Variants in CFAP44 observed in about 807,000 individuals in gnomAD.
CFAP44 encodes the protein cilia and flagella associated protein 44.
CFAP44 carries 134 observed loss-of-function variants against 216.2 expected under a neutral mutation model. That is an observed-to-expected ratio of 0.62 (90% confidence interval 0.54 to 0.72). The LOEUF (loss-of-function observed/expected upper bound fraction) is 0.72. CFAP44 is among the 30% of genes least tolerant of loss of function. CFAP44 has a pLI of 0.00. For missense variants in CFAP44, 2,035 were observed against 2,182.1 expected (o/e 0.93, Z 1.34); for synonymous variants, 700 against 727.6 (o/e 0.96, Z 0.61).
At chr3:113,312,170 C>T (rs1310366370) in intron 28 of CFAP44, among the ~76,000 whole-genome samples, 1 of 149,040 alleles carries the variant, frequency 6.7e-6, no homozygotes, top group Non-Finnish European at 1.5e-5. Flanking sequence ...CTCCTGGGTT[C>T]ACATCATTCT....
Position 113,291,699 on chromosome 3 carries a change from T to C in CFAP44, c.5423A>G (p.Glu1808Gly), listed in dbSNP as rs1440201422. The change falls in exon 35 of 35, where the codon GAG becomes GGG. Residue 1808 changes from glutamate (E) to glycine (G), a missense_variant. Glu to Gly is a moderately conservative substitution (Grantham distance 98). Transcript: ENST00000393845. Reference protein sequence around the residue: ...PREADVVAREEVTELIQLQAE... With the variant: ...PREADVVAREGVTELIQLQAE... ...CTGGAGTTGGATCAATTCAGTGACC[T>C]CCTCTCTTGCCACAACATCTGCTTC... 5 of 1,536,792 alleles carry C rather than the reference T, an allele frequency of 3.3e-6. No individual in the cohort carries two copies. In the Admixed American group the frequency reaches 9.8e-5, roughly 30 times the overall value.
chr3:113,292,197 A>AT (rs150156132), intron 34 of CFAP44, among the ~76,000 whole-genome samples: 7,681 of 152,136 alleles, frequency 0.05, 248 homozygotes, highest in African/African-American at 0.092. Context: ...CTAGGTTAGG[A>AT]TTTCCTGCTT....
chr3:113,432,835 A>G (rs919232418), intron 2 of CFAP44, among the ~76,000 whole-genome samples: 2 of 152,190 alleles, frequency 1.3e-5, no homozygotes, highest in African/African-American at 2.4e-5. Flanking sequence ...ATCTCCTGAT[A>G]AATATTCCCA....
intron 28 of CFAP44, among the ~76,000 whole-genome samples, chr3:113,318,023 A>G (rs1200319272): frequency 6.6e-6 from 1 of 152,082 alleles, no homozygotes; most frequent in African/African-American, 2.4e-5. Context: ...GCTGGGTATT[A>G]ATGCAGCTAC....
At chr3:113,367,900 C>G (rs899254412) in intron 18 of CFAP44, among the ~76,000 whole-genome samples, 3 of 152,198 alleles carry the variant, frequency 2.0e-5, no homozygotes, top group Admixed American at 1.3e-4. Context: ...CTTAAATGAC[C>G]TCCTGGAGCT....
At chr3:113,403,503 C>T (rs1934195348) in intron 9 of CFAP44, among the ~76,000 whole-genome samples, 1 of 152,182 alleles carries the variant, frequency 6.6e-6, no homozygotes, top group Non-Finnish European at 1.5e-5. Context: ...TGTTCAGCAC[C>T]TTTGTTCCTA....
chr3:113,417,500 A>G (rs747118096), intron 5 of CFAP44, among the ~76,000 whole-genome samples: 2 of 152,214 alleles, frequency 1.3e-5, no homozygotes, highest in African/African-American at 2.4e-5. Context: ...TGTTATAAGG[A>G]TAAGCTATTT....
chr3:113,308,856 TG>T (rs1950011924), intron 28 of CFAP44, among the ~76,000 whole-genome samples: 1 of 152,214 alleles, frequency 6.6e-6, no homozygotes, highest in Admixed American at 6.5e-5. Context: ...TCTGCACAAC[TG>T]GGCCCCACAA....
At position 113,361,720 on chromosome 3, in the gene CFAP44, G is replaced by A. The variant is rs144813319; in HGVS notation, c.2934+1425C>T. Among the ~76,000 whole-genome samples the A allele has an allele frequency of 8.4e-3, 1,272 of 151,680 alleles. 22 individuals carry two copies. Among genetic ancestry groups the A allele is most frequent in the African/African-American group, 0.029 (1,199 of 41,358 alleles). On this transcript the variant is annotated intron_variant, in intron 21 of 34. Coordinates refer to ENST00000393845, the MANE Select transcript of CFAP44 (RefSeq NM_001164496.2). ...TCACCATGTTAGCCAGGATGCTCTC[G>A]AACTCCTGACCTCATGATCCGCCCG... is the stretch of plus-strand genomic sequence containing the variant.
intron 6 of CFAP44, among the ~76,000 whole-genome samples, chr3:113,413,623 G>T (rs1335213132): frequency 6.6e-6 from 1 of 152,192 alleles, no homozygotes. Flanking sequence ...TTACTGAATA[G>T]GAAATCCTTT....
At chr3:113,347,713 A>C (rs1317925955) in intron 22 of CFAP44, among the ~76,000 whole-genome samples, 2 of 152,168 alleles carry the variant, frequency 1.3e-5, no homozygotes, top group East Asian at 3.8e-4. Flanking sequence ...GAGCTTCAGA[A>C]ATGATATCCT....
At chr3:113,399,234 T>A (rs1041914851) in intron 13 of CFAP44, among the ~76,000 whole-genome samples, 5 of 152,158 alleles carry the variant, frequency 3.3e-5, no homozygotes, top group Non-Finnish European at 5.9e-5. Context: ...TCTTCCCAGC[T>A]GAGTTCCCAG....
rs550774023 is a variant in CFAP44 at position 113,351,460 on chromosome 3, A to G, written c.3066-6748T>C. The stretch of plus-strand genomic sequence containing the variant: ...ATTATCCTACTACCACACACTCTCA[A>G]AGGATTTCTCAGTTTGCAAGAAATA... On this transcript the variant is annotated intron_variant, in intron 22 of 34. Transcript: ENST00000393845. 5.3e-5 allele frequency among the ~76,000 whole-genome samples: 8 copies of G among 152,260 alleles called. No homozygotes were observed. In the South Asian group the frequency reaches 1.7e-3, roughly 32 times the overall value.
intron 28 of CFAP44, among the ~76,000 whole-genome samples, chr3:113,312,054 T>C (rs1950044162): frequency 6.7e-6 from 1 of 149,858 alleles, no homozygotes; most frequent in African/African-American, 2.5e-5. Flanking sequence ...CAGTTTTGTG[T>C]GTGTCTGTGT....
At chr3:113,440,606 A>T (rs1010056976) in intron 1 of CFAP44, among the ~76,000 whole-genome samples, 5 of 151,744 alleles carry the variant, frequency 3.3e-5, no homozygotes, top group African/African-American at 9.7e-5. Flanking sequence ...CTCTACCATT[A>T]CTGTACCGTC....
At chr3:113,294,892 A>T in intron 33 of CFAP44, 71 bp from the exon 34 acceptor site, 1 of 1,445,908 alleles carries the variant, frequency 6.9e-7, no homozygotes, top group Admixed American at 2.9e-5. Context: ...GAGTGTCCAG[A>T]TTTGGTCAAA....
rs1325600108 is a variant in CFAP44, at chr3:113,400,605, C to T, written c.1414G>A (p.Ala472Thr). The T allele has an allele frequency of 1.2e-6, 2 of 1,611,166 alleles. No homozygotes were observed. Among genetic ancestry groups the T allele is most frequent in the Non-Finnish European group, 1.7e-6 (2 of 1,178,646 alleles). ...PECLFSFHSG[A>T]IEAVAVSPLT... ...GGAGAAACAGCCACGGCTTCAATAG[C>T]TCCAGAATGGAAGGAGAAGAGGCAT... The change falls in exon 12 of 35, where the codon GCT (alanine) becomes ACT (threonine). Residue 472 changes from alanine (A) to threonine (T), a missense_variant. Coordinates refer to ENST00000393845, the MANE Select transcript of CFAP44 (RefSeq NM_001164496.2).
At chr3:113,422,775 T>G (rs932873031) in intron 4 of CFAP44, among the ~76,000 whole-genome samples, 1 of 152,212 alleles carries the variant, frequency 6.6e-6, no homozygotes, top group Non-Finnish European at 1.5e-5. Context: ...GAATAGAAAT[T>G]GGTTACCATC....
Position 113,341,903 on chromosome 3 carries a change from A to G in CFAP44, c.3278T>C (p.Ile1093Thr). The G allele has an allele frequency of 6.5e-7, 1 of 1,529,756 alleles. No individual in the cohort carries two copies. The highest frequency in any genetic ancestry group is 1.2e-5 in the South Asian group (1 of 81,090). 94.8% of individuals were successfully genotyped at this position (1,529,756 alleles called of 1,614,324 possible). A position where few individuals can be genotyped will look rare whatever the true frequency, so the allele number is the denominator to read the frequency against. The change falls in exon 24 of 35, where the codon ATA becomes ACA. Residue 1093 changes from isoleucine to threonine, a missense_variant. Transcript: ENST00000393845. ...SQRDAGGSVT[I>T]QEESIIEKGK... ...TTTTTCTATTATTGATTCTTCTTGT[A>G]TGGTAACACTCCCACCTACATAGAG... is the stretch of plus-strand genomic sequence containing the variant.
Sources: allele counts gnomAD v4.1 joint callset (sites outside exome capture counted in the v4.1 genomes callset), GRCh38; gene constraint gnomAD v4.1.1; transcripts MANE v1.5; gene names NCBI Gene and HGNC (gene_info 2026-07-23, HGNC 2026-07-21).